Variants in TMEM132D observed in about 807,000 individuals in gnomAD.
The protein encoded by TMEM132D is transmembrane protein 132D.
TMEM132D carries 21 observed loss-of-function variants against 62.3 expected under a neutral mutation model. The ratio of observed to expected loss-of-function variants is 0.34; its 90% CI spans 0.24 to 0.49. The LOEUF (loss-of-function observed/expected upper bound fraction) is 0.49, where lower values mean the gene tolerates loss of function less well. Among genes scored for constraint, TMEM132D ranks in the 20% least tolerant of loss-of-function variants. TMEM132D has a pLI of 0.99. For synonymous variants in TMEM132D, 621 were observed against 575.6 expected, an observed-to-expected ratio of 1.08 and a Z score of -1.13; for missense variants, 1,346 against 1,402.8, an observed-to-expected ratio of 0.96 and a Z score of 0.65.
intron 3 of TMEM132D, among the ~76,000 whole-genome samples, chr12:129,411,899 T>C (rs1871978579): frequency 6.6e-6 from 1 of 152,252 alleles, no homozygotes. Context: ...CTTTCTTTCC[T>C]ATATTGCATA....
intron 3 of TMEM132D, among the ~76,000 whole-genome samples, chr12:129,505,094 A>G (rs1322842997): frequency 1.3e-5 from 2 of 152,046 alleles, no homozygotes; most frequent in Non-Finnish European, 2.9e-5. Flanking sequence ...TATAATTTCA[A>G]TTCTCTTAAG....
rs67750432 is a variant in TMEM132D, at chr12:129,760,646, CTTT to C, written c.80-59951_80-59949del. 9.1e-3 allele frequency among the ~76,000 whole-genome samples: 1,341 copies of C among 147,078 alleles called. 18 individuals are homozygous for C. Among genetic ancestry groups the C allele is most frequent in the African/African-American group, 0.032 (1,268 of 40,092 alleles). On this transcript the variant is annotated intron_variant, in intron 1 of 8. Transcript: ENST00000422113. ...ACAGGCATGAGTCACTGCGCCCGGA[CTTT>C]TTTTTTTTTTCTTTTTTTAAGTTCT...
intron 3 of TMEM132D, among the ~76,000 whole-genome samples, chr12:129,363,500 TC>T (rs1444615171): frequency 6.6e-6 from 1 of 152,248 alleles, no homozygotes; most frequent in Admixed American, 6.5e-5. Flanking sequence ...AATGGTTTTC[TC>T]AACTCCCATC....
chr12:129,796,146 G>T (rs1009450277), intron 1 of TMEM132D, among the ~76,000 whole-genome samples: 10 of 151,976 alleles, frequency 6.6e-5, no homozygotes, highest in Non-Finnish European at 1.3e-4. Context: ...ACCAGCCTGG[G>T]CAACATACTG....
chr12:129,863,851 C>A (rs1490008231), intron 1 of TMEM132D, among the ~76,000 whole-genome samples: 2 of 152,084 alleles, frequency 1.3e-5, no homozygotes, highest in East Asian at 3.9e-4. Context: ...CTGGTAACTG[C>A]CCACAAGAAC....
At chr12:129,267,786 C>A (rs2135598965) in intron 4 of TMEM132D, among the ~76,000 whole-genome samples, 1 of 152,298 alleles carries the variant, frequency 6.6e-6, no homozygotes, top group East Asian at 1.9e-4. Flanking sequence ...TCAAACTACA[C>A]TACAAGGCTA....
At chr12:129,082,116 A>G (rs2135617154) in intron 6 of TMEM132D, 84 bp from the exon 7 acceptor site, 2 of 1,492,276 alleles carry the variant, frequency 1.3e-6, no homozygotes, top group African/African-American at 2.8e-5. Flanking sequence ...TGGGGGCTGC[A>G]GAGGTAGGTA....
At chr12:129,826,709 T>C (rs937838689) in intron 1 of TMEM132D, among the ~76,000 whole-genome samples, 2 of 152,088 alleles carry the variant, frequency 1.3e-5, no homozygotes, top group Non-Finnish European at 2.9e-5. Context: ...CTGGATTTTG[T>C]AGGTATGGAC....
chr12:129,600,254 T>C (rs866041881), intron 2 of TMEM132D, among the ~76,000 whole-genome samples: 2 of 152,218 alleles, frequency 1.3e-5, no homozygotes, highest in African/African-American at 2.4e-5. Context: ...TAAGAAGCAA[T>C]TCTTCCTCTG....
At chr12:129,152,522 C>T (rs899007779) in intron 5 of TMEM132D, among the ~76,000 whole-genome samples, 1 of 152,160 alleles carries the variant, frequency 6.6e-6, no homozygotes, top group Non-Finnish European at 1.5e-5. Context: ...GCCTGGGCTC[C>T]TGTCTGGAGG....
At chr12:129,162,074 C>G (rs541955677) in intron 5 of TMEM132D, among the ~76,000 whole-genome samples, 1 of 152,186 alleles carries the variant, frequency 6.6e-6, no homozygotes, top group African/African-American at 2.4e-5. Flanking sequence ...TGAACTGTGT[C>G]CCCCCTCAAT....
intron 1 of TMEM132D, among the ~76,000 whole-genome samples, chr12:129,739,141 G>A (rs1376029488): frequency 1.3e-5 from 2 of 152,166 alleles, no homozygotes; most frequent in Non-Finnish European, 2.9e-5. Context: ...CTCACTCTTA[G>A]GCGGTATAGT....
intron 3 of TMEM132D, among the ~76,000 whole-genome samples, chr12:129,365,543 G>C (rs1310745810): frequency 6.6e-6 from 1 of 152,144 alleles, no homozygotes; most frequent in African/African-American, 2.4e-5. Context: ...GTGTTTGTTA[G>C]GGATAATCAC....
At chr12:129,781,667 A>G (rs1871124233) in intron 1 of TMEM132D, among the ~76,000 whole-genome samples, 1 of 152,134 alleles carries the variant, frequency 6.6e-6, no homozygotes, top group Admixed American at 6.5e-5. Flanking sequence ...GTAGGAAGCA[A>G]AGAACCAGAG....
chr12:129,082,066 A>G (rs2135617013), intron 6 of TMEM132D, 34 bp from the exon 7 acceptor site: 1 of 1,569,654 alleles, frequency 6.4e-7, no homozygotes, highest in South Asian at 1.2e-5. Context: ...GCAGACAGTT[A>G]CTTGTTGGTC....
At chr12:129,645,160 CAGGAGAGAT>C (rs1879741367) in intron 2 of TMEM132D, among the ~76,000 whole-genome samples, 1 of 152,112 alleles carries the variant, frequency 6.6e-6, no homozygotes. Flanking sequence ...TTCCTGGATC[CAGGAGAGAT>C]TGAGAGTCCG....
chr12:129,732,087 G>A (rs1441502436), intron 1 of TMEM132D, among the ~76,000 whole-genome samples: 2 of 152,134 alleles, frequency 1.3e-5, no homozygotes, highest in Admixed American at 1.3e-4. Flanking sequence ...CTGTAGAAAT[G>A]ATGCTGACCA....
chr12:129,110,575 C>T (rs1422743565), intron 5 of TMEM132D: 1 of 152,116 alleles, frequency 6.6e-6, no homozygotes, highest in East Asian at 1.9e-4. Context: ...AACACACTGC[C>T]CCAGAAGCAC....
At chr12:129,676,034 G>C (rs534303918) in intron 2 of TMEM132D, among the ~76,000 whole-genome samples, 1 of 152,300 alleles carries the variant, frequency 6.6e-6, no homozygotes, top group East Asian at 1.9e-4. Context: ...CAGACACTTA[G>C]TGTGTGCTAT....
Sources: gnomAD v4.1 joint callset for allele counts (sites outside exome capture counted in the v4.1 genomes callset) on GRCh38, gnomAD v4.1.1 for gene constraint, MANE v1.5 for transcripts, NCBI Gene and HGNC (gene_info 2026-07-23, HGNC 2026-07-21) for gene names.